Variants in PBX3 observed in about 807,000 individuals in gnomAD.
PBX3 encodes the protein pre-B-cell leukemia transcription factor 3.
Under a neutral mutation model 48.5 loss-of-function variants are expected in PBX3, and 14 were observed. The observed-to-expected ratio is 0.29, with a 90% CI of 0.19 to 0.45. The LOEUF (loss-of-function observed/expected upper bound fraction) is 0.45. Among genes scored for constraint, PBX3 ranks in the 20% least tolerant of loss-of-function variants. The pLI, the probability that PBX3 is intolerant of heterozygous loss-of-function variation, is 1.00. For missense variants in PBX3, 386 were observed against 546.7 expected, an observed-to-expected ratio of 0.71 and a Z score of 2.93; for synonymous variants, 210 against 200.3, an observed-to-expected ratio of 1.05 and a Z score of -0.41.
intron 2 of PBX3, among the ~76,000 whole-genome samples, chr9:125,804,409 C>T (rs933028432): frequency 6.6e-5 from 10 of 152,252 alleles, no homozygotes; most frequent in Middle Eastern, 3.4e-3. Context: ...TGCTGGTCAC[C>T]TGTGGCTGCA....
At position 125,902,948 on chromosome 9, in the gene PBX3, G is replaced by A. The variant is rs1034970782; in HGVS notation, c.275-12738G>A. On this transcript the variant is annotated intron_variant, in intron 2 of 8. Coordinates refer to ENST00000373489, the MANE Select transcript of PBX3 (RefSeq NM_006195.6). Reference sequence around the variant, plus strand: ...GCTTTTTATTATTCTTTTTCTTTCTGGTAGAATGAATAAGTAATTCTTCTG... The same window carrying A: ...GCTTTTTATTATTCTTTTTCTTTCTAGTAGAATGAATAAGTAATTCTTCTG... Among the ~76,000 whole-genome samples, 4 of 151,474 alleles carry A rather than the reference G, an allele frequency of 2.6e-5. No homozygotes were observed. In the Admixed American group the frequency reaches 2.6e-4, roughly 10 times the overall value.
At chr9:125,949,581 A>G in intron 5 of PBX3, 1 of 1,261,808 alleles carries the variant, frequency 7.9e-7, no homozygotes, top group Non-Finnish European at 1.0e-6. Context: ...TTCATTTTTG[A>G]TGAGAATTAA....
At chr9:125,829,419 G>C (rs1352265808) in intron 2 of PBX3, among the ~76,000 whole-genome samples, 1 of 151,996 alleles carries the variant, frequency 6.6e-6, no homozygotes, top group East Asian at 1.9e-4. Flanking sequence ...TTGCTGATTT[G>C]GTTTATAATT....
At chr9:125,776,647 C>T (rs899630198) in intron 2 of PBX3, among the ~76,000 whole-genome samples, 2 of 152,052 alleles carry the variant, frequency 1.3e-5, no homozygotes, top group African/African-American at 4.8e-5. Flanking sequence ...GTGGTTCTCC[C>T]ACCTCAGCTT....
intron 2 of PBX3, among the ~76,000 whole-genome samples, chr9:125,843,293 T>C (rs1025823007): frequency 3.3e-5 from 5 of 152,172 alleles, no homozygotes; most frequent in African/African-American, 7.2e-5. Context: ...ATATCTTCAA[T>C]TGATTTTACT....
intron 2 of PBX3, among the ~76,000 whole-genome samples, chr9:125,811,153 A>T (rs1838278702): frequency 6.6e-6 from 1 of 152,206 alleles, no homozygotes; most frequent in Admixed American, 6.5e-5. Flanking sequence ...GGCCTGTCCA[A>T]TAGCTTCTCC....
At chr9:125,903,726 C>G (rs1176117877) in intron 2 of PBX3, among the ~76,000 whole-genome samples, 1 of 151,710 alleles carries the variant, frequency 6.6e-6, no homozygotes, top group Non-Finnish European at 1.5e-5. Context: ...TTAAATGACC[C>G]AAAACCAACT....
chr9:125,921,965 T>C (rs1466389139), intron 3 of PBX3, among the ~76,000 whole-genome samples: 1 of 152,164 alleles, frequency 6.6e-6, no homozygotes, highest in Non-Finnish European at 1.5e-5. Flanking sequence ...CTGATCATTA[T>C]AAAACTTCCC....
chr9:125,798,637 C>G (rs1441054619), intron 2 of PBX3, among the ~76,000 whole-genome samples: 1 of 151,924 alleles, frequency 6.6e-6, no homozygotes, highest in Non-Finnish European at 1.5e-5. Context: ...GTAATTAACT[C>G]TACAAAAAAT....
chr9:125,929,781 A>G lies in PBX3; in HGVS notation c.643A>G (p.Met215Val), dbSNP rs905326681. 2.5e-6 allele frequency: 4 copies of G among 1,614,132 alleles called. No homozygotes were observed. Among genetic ancestry groups the G allele is most frequent in the Non-Finnish European group, 2.5e-6 (3 of 1,179,986 alleles). ...IIHRKFSSIQ[M>V]QLKQSTCEAV... ...CCATCGAAAATTTAGTTCCATTCAGATGCAGCTCAAACAAAGCACTTGTGA... is the reference window on the plus strand; with the variant it reads ...CCATCGAAAATTTAGTTCCATTCAGGTGCAGCTCAAACAAAGCACTTGTGA... The change falls in exon 4 of 9, where the codon ATG becomes GTG. Residue 215 changes from methionine to valine, a missense_variant. Around this residue, in one of 4 missense-constraint regions of PBX3, gnomAD observed 74 missense variants for 206.1 expected, o/e 0.36. Transcript: ENST00000373489.
At chr9:125,804,991 A>C (rs1838080665) in intron 2 of PBX3, among the ~76,000 whole-genome samples, 1 of 152,036 alleles carries the variant, frequency 6.6e-6, no homozygotes. Flanking sequence ...GGAAGAAGAC[A>C]GATAAGCTTC....
At chr9:125,874,313 A>G (rs964090317) in intron 2 of PBX3, among the ~76,000 whole-genome samples, 6 of 152,330 alleles carry the variant, frequency 3.9e-5, no homozygotes, top group Non-Finnish European at 8.8e-5. Context: ...GTTGTAAACA[A>G]AAGTGTACTC....
At chr9:125,763,961 G>T (rs957254356) in intron 2 of PBX3, among the ~76,000 whole-genome samples, 1 of 152,138 alleles carries the variant, frequency 6.6e-6, no homozygotes, top group Non-Finnish European at 1.5e-5. Context: ...TATGCATAAA[G>T]AAATCACACA....
chr9:125,956,780 G>A (rs561147649), intron 5 of PBX3, among the ~76,000 whole-genome samples: 1 of 152,316 alleles, frequency 6.6e-6, no homozygotes, highest in African/African-American at 2.4e-5. Flanking sequence ...GCACAGGACA[G>A]CGTAGTCCCT....
intron 2 of PBX3, among the ~76,000 whole-genome samples, chr9:125,771,872 G>A (rs562593707): frequency 1.3e-5 from 2 of 152,068 alleles, no homozygotes; most frequent in Admixed American, 1.3e-4. Flanking sequence ...TTCTTGGGAT[G>A]TGTTTTATTT....
chr9:125,759,213 T>A lies in PBX3; in HGVS notation c.274+10590T>A, dbSNP rs2131969639. ...TGTAGACAACCATGTTTTACAGACTTCAGTTTAATGGCAAAAATCTGCCCT... is the reference window on the plus strand; with the variant it reads ...TGTAGACAACCATGTTTTACAGACTACAGTTTAATGGCAAAAATCTGCCCT... On this transcript the variant is annotated intron_variant, in intron 2 of 8. Transcript: ENST00000373489. This position sits in a 1 kb window ranked among gnomAD's most constrained non-coding sequence, Gnocchi z 4.2. Among the ~76,000 whole-genome samples, 1 of 152,346 alleles carries A rather than the reference T, an allele frequency of 6.6e-6. No individual in the cohort carries two copies. Among genetic ancestry groups the A allele is most frequent in the South Asian group, 2.1e-4 (1 of 4,824 alleles).
At chr9:125,876,047 C>CAAT (rs973730913) in intron 2 of PBX3, among the ~76,000 whole-genome samples, 4 of 152,104 alleles carry the variant, frequency 2.6e-5, no homozygotes, top group African/African-American at 7.2e-5. Flanking sequence ...CCTTACAGTT[C>CAAT]AATAATAATA....
At position 125,753,285 on chromosome 9, in the gene PBX3, C is replaced by CT. The variant is rs34449607; in HGVS notation, c.274+4673dup. Among the ~76,000 whole-genome samples, 567 of 148,194 alleles carry CT rather than the reference C, an allele frequency of 3.8e-3. 1 individual carries two copies. Among genetic ancestry groups the CT allele is most frequent in the African/African-American group, 0.012 (500 of 40,368 alleles). On this transcript the variant is annotated intron_variant, in intron 2 of 8. Transcript: ENST00000373489. ...TATTTTTCTTAACTTAATATTTTAC[C>CT]TTTTTTTTTTTCTATTTTTATAGAT...
chr9:125,772,059 G>C (rs1836953990), intron 2 of PBX3, among the ~76,000 whole-genome samples: 1 of 152,168 alleles, frequency 6.6e-6, no homozygotes, highest in Non-Finnish European at 1.5e-5. Context: ...TAACCTCTTA[G>C]TACATTTGAA....
Sources: allele counts gnomAD v4.1 joint callset (sites outside exome capture counted in the v4.1 genomes callset), GRCh38; gene constraint gnomAD v4.1.1; regional missense constraint gnomAD v4.1.1; non-coding constraint Gnocchi (gnomAD v3.1); transcripts MANE v1.5; gene names NCBI Gene and HGNC (gene_info 2026-07-23, HGNC 2026-07-21).